CLIP1: variants seen among roughly 807,000 people sequenced by gnomAD.
CLIP1 encodes CAP-Gly domain containing linker protein 1, also known as CAP-Gly domain-containing linker protein 1.
CLIP1 carries 66 observed loss-of-function variants against 161.6 expected under a neutral mutation model. The observed-to-expected ratio is 0.41, with a 90% confidence interval of 0.33 to 0.50. The LOEUF is 0.50. Ranked by LOEUF, CLIP1 falls within the 20% of genes least tolerant of loss-of-function variation. The probability of loss-of-function intolerance (pLI) is 0.27; values close to 1 mark genes in which losing one functional copy is unlikely to be tolerated. For synonymous variants in CLIP1, 598 were observed against 626.2 expected, an observed-to-expected ratio of 0.96 and a Z score of 0.67; for missense variants, 1,376 against 1,702.0, an observed-to-expected ratio of 0.81 and a Z score of 3.37.
chr12:122,319,206 A>G, intron 18 of CLIP1, 26 bp downstream of exon 18: 1 of 1,460,270 alleles, frequency 6.8e-7, no homozygotes, highest in Non-Finnish European at 9.6e-7. Flanking sequence ...TGTTCTTTGT[A>G]TAAAAAGCTA....
chr12:122,327,324 TA>T (rs1267612604), intron 17 of CLIP1, among the ~76,000 whole-genome samples: 1 of 152,120 alleles, frequency 6.6e-6, no homozygotes, highest in African/African-American at 2.4e-5. Flanking sequence ...GATACAATCC[TA>T]AAACCATAAA....
chr12:122,320,750 A>ACCAGGCTG (rs1406531049), intron 17 of CLIP1, among the ~76,000 whole-genome samples: 1 of 149,836 alleles, frequency 6.7e-6, no homozygotes, highest in African/African-American at 2.5e-5. Flanking sequence ...TCATTCTGTC[A>ACCAGGCTG]CCAGGCTGGA....
chr12:122,286,309 G>A (rs1033713091), intron 21 of CLIP1, among the ~76,000 whole-genome samples: 4 of 151,796 alleles, frequency 2.6e-5, no homozygotes, highest in African/African-American at 4.8e-5. Context: ...ACGAGGTCAG[G>A]AGTTAGAGAC....
intron 1 of CLIP1, among the ~76,000 whole-genome samples, chr12:122,403,446 C>A (rs1336054059): frequency 6.7e-6 from 1 of 150,052 alleles, no homozygotes; most frequent in African/African-American, 2.4e-5. Context: ...ATGAAAGGAA[C>A]CTGTGGCTGG....
intron 1 of CLIP1, among the ~76,000 whole-genome samples, chr12:122,402,542 G>A (rs983603317): frequency 6.6e-6 from 1 of 152,046 alleles, no homozygotes; most frequent in Non-Finnish European, 1.5e-5. Flanking sequence ...TTGGGAGACC[G>A]AAGCACATGG....
intron 19 of CLIP1, among the ~76,000 whole-genome samples, chr12:122,312,543 C>T (rs1411231299): frequency 6.6e-6 from 1 of 152,178 alleles, no homozygotes; most frequent in Non-Finnish European, 1.5e-5. Context: ...GCAGGCGGAT[C>T]ACTTGAGGCC....
chr12:122,354,753 A>G, intron 6 of CLIP1, 197 bp from the exon 7 acceptor site: 1 of 586,172 alleles, frequency 1.7e-6, no homozygotes, highest in Non-Finnish European at 3.1e-6. Flanking sequence ...GATAAAGAAC[A>G]ATGTTAAAAC....
chr12:122,288,649 C>G, intron 20 of CLIP1, 108 bp from the exon 21 acceptor site: 1 of 831,176 alleles, frequency 1.2e-6, no homozygotes, highest in Admixed American at 2.5e-5. Context: ...AAGCCATTGG[C>G]TTTCCTCAAC....
At position 122,377,809 on chromosome 12, in the gene CLIP1, T is replaced by A; in HGVS notation, c.237A>T (p.Glu79Asp). ...NKPGFIQFLG[E>D]TQFAPGQWAG... The stretch of plus-strand genomic sequence containing the variant: ...CCCACTGGCCTGGTGCAAACTGGGT[T>A]TCTCCAAGAAACTGGATAAATCCAG... Residue 79 changes from glutamate to aspartate, a missense_variant, in exon 3 of 26, where the codon GAA becomes GAT. By Grantham distance (45) the Glu-to-Asp change is conservative (BLOSUM62 2). Coordinates refer to ENST00000620786, the MANE Select transcript of CLIP1 (RefSeq NM_001247997.2). 1 of 1,614,002 alleles carries A rather than the reference T, an allele frequency of 6.2e-7. No homozygotes were observed.
chr12:122,302,645 T>C (rs1344940519), intron 20 of CLIP1, among the ~76,000 whole-genome samples: 1 of 152,158 alleles, frequency 6.6e-6, no homozygotes, highest in Non-Finnish European at 1.5e-5. Flanking sequence ...TCCCCCAGGC[T>C]GGTATGCAGT....
At chr12:122,336,961 T>TG (rs1287863248) in intron 11 of CLIP1, among the ~76,000 whole-genome samples, 2 of 119,220 alleles carry the variant, frequency 1.7e-5, no homozygotes, top group Non-Finnish European at 4.0e-5. Flanking sequence ...GCTATTTTTG[T>TG]GTTTTTTTTT....
At chr12:122,404,583 G>A (rs1034740102) in intron 1 of CLIP1, among the ~76,000 whole-genome samples, 2 of 150,626 alleles carry the variant, frequency 1.3e-5, no homozygotes, top group Non-Finnish European at 2.9e-5. Flanking sequence ...CTGGGCAACA[G>A]AGCAAGACTC....
Position 122,354,439 on chromosome 12 carries a change from C to T in CLIP1, c.1307+14G>A, listed in dbSNP as rs1366058227. ...GAAAGGCCACACTTGCACCAGGAAA[C>T]AGTCTGGGGTCACCTTTTCTCCTCT... is the stretch of plus-strand genomic sequence containing the variant. On this transcript the variant is annotated intron_variant, in intron 7 of 25. Transcript: ENST00000620786. The T allele has an allele frequency of 3.1e-6, 5 of 1,604,090 alleles. No homozygotes were observed. Among genetic ancestry groups the T allele is most frequent in the Admixed American group, 3.3e-5 (2 of 59,924 alleles).
chr12:122,336,679 CA>C lies in CLIP1; in HGVS notation c.2520del (p.Ser840ArgfsTer6). The C allele has an allele frequency of 5.0e-6, 8 of 1,612,372 alleles. No individual in the cohort carries two copies. Among genetic ancestry groups the C allele is most frequent in the Non-Finnish European group, 5.9e-6 (7 of 1,179,164 alleles). ...AAAGTCTCTTTCACTTGACTGACTT[CA>C]CTCAAATTTTCCTGAAGGTTAGTAA... ...LKLTNLQENL[S>X]EVSQVKETLE... On this transcript the variant is annotated frameshift_variant, in exon 12 of 26. Coordinates refer to ENST00000620786, the MANE Select transcript of CLIP1 (RefSeq NM_001247997.2). LOFTEE classifies it high-confidence loss of function.
At chr12:122,364,240 A>T in intron 3 of CLIP1, 133 bp from the exon 4 acceptor site, 1 of 1,058,406 alleles carries the variant, frequency 9.4e-7, no homozygotes, top group Non-Finnish European at 1.4e-6. Context: ...CTTCTCTTTG[A>T]CTCTAAGAGT....
At chr12:122,382,459 T>C (rs1955050851) in intron 1 of CLIP1, among the ~76,000 whole-genome samples, 1 of 148,714 alleles carries the variant, frequency 6.7e-6, no homozygotes, top group Admixed American at 6.7e-5. Flanking sequence ...TCCCAGAAGA[T>C]GAAGGTTGTA....
At chr12:122,341,741 A>G (rs1403391641) in intron 10 of CLIP1, 44 bp from the exon 11 acceptor site, 1 of 709,826 alleles carries the variant, frequency 1.4e-6, no homozygotes, top group Non-Finnish European at 2.1e-6. Context: ...TTAAATAACA[A>G]GTCATTGACT....
intron 20 of CLIP1, 65 bp downstream of exon 20, chr12:122,309,697 C>A: frequency 1.3e-6 from 2 of 1,591,488 alleles, no homozygotes; most frequent in South Asian, 2.2e-5. Context: ...GGCCTCTGAG[C>A]GTGCTGCCAA....
At chr12:122,327,876 A>T in intron 17 of CLIP1, 71 bp downstream of exon 17, 1 of 1,448,898 alleles carries the variant, frequency 6.9e-7, no homozygotes, top group Non-Finnish European at 9.6e-7. Context: ...GCTGCTTTCT[A>T]AGCACCCTTC....
Sources: allele counts gnomAD v4.1 joint callset (sites outside exome capture counted in the v4.1 genomes callset), GRCh38; gene constraint gnomAD v4.1.1; transcripts MANE v1.5; gene names NCBI Gene and HGNC (gene_info 2026-07-23, HGNC 2026-07-21).